ZHX3: variants seen among roughly 807,000 people sequenced by gnomAD.
ZHX3 encodes the protein zinc fingers and homeoboxes protein 3.
A neutral mutation model predicts 64.5 loss-of-function variants in ZHX3; 20 were observed. That is an observed-to-expected ratio of 0.31 (90% confidence interval 0.22 to 0.45). The LOEUF (loss-of-function observed/expected upper bound fraction) is 0.45, where lower values mean the gene tolerates loss of function less well. ZHX3 is among the 20% of genes least tolerant of loss of function. ZHX3 has a pLI of 1.00. For synonymous variants in ZHX3, 423 were observed against 461.6 expected, an observed-to-expected ratio of 0.92 and a Z score of 1.07; for missense variants, 1,041 against 1,195.8, an observed-to-expected ratio of 0.87 and a Z score of 1.91.
At chr20:41,223,115 T>A (rs1345232851) in intron 2 of ZHX3, among the ~76,000 whole-genome samples, 1 of 152,202 alleles carries the variant, frequency 6.6e-6, no homozygotes, top group East Asian at 1.9e-4. Flanking sequence ...TTACTCTGAT[T>A]ATTTTTCTTT....
intron 3 of ZHX3, chr20:41,196,712 TC>T (rs1289980365): frequency 5.4e-6 from 1 of 185,870 alleles, no homozygotes; most frequent in Non-Finnish European, 1.1e-5. Context: ...CTCTTGACTC[TC>T]CTAAAGCTGA....
intron 1 of ZHX3, among the ~76,000 whole-genome samples, chr20:41,289,050 C>T (rs1427917410): frequency 5.3e-5 from 8 of 152,124 alleles, no homozygotes; most frequent in East Asian, 1.9e-4. Context: ...AATGCAGTGG[C>T]GCAATCATGG....
At chr20:41,250,884 C>T (rs564032974) in intron 2 of ZHX3, among the ~76,000 whole-genome samples, 77 of 152,238 alleles carry the variant, frequency 5.1e-4, no homozygotes, top group Non-Finnish European at 7.5e-4. Flanking sequence ...CACTGGCTCA[C>T]GCCTGTAATC....
chr20:41,258,829 C>A (rs766907744), intron 2 of ZHX3, among the ~76,000 whole-genome samples: 1 of 152,114 alleles, frequency 6.6e-6, no homozygotes, highest in Non-Finnish European at 1.5e-5. Context: ...GATGCAAATT[C>A]TTTCAAAGCT....
At chr20:41,191,413 C>T (rs958757233) in intron 3 of ZHX3, among the ~76,000 whole-genome samples, 3 of 152,002 alleles carry the variant, frequency 2.0e-5, no homozygotes, top group African/African-American at 7.3e-5. Flanking sequence ...CATTCATTTC[C>T]CAAATTGTTT....
chr20:41,233,417 T>C (rs1382284454), intron 2 of ZHX3, among the ~76,000 whole-genome samples: 1 of 152,226 alleles, frequency 6.6e-6, no homozygotes, highest in African/African-American at 2.4e-5. Flanking sequence ...AGACATTCAA[T>C]GAGCTCAAAA....
In ZHX3 at chr20:41,212,698, G is replaced by A. The variant is rs2039248320; in HGVS notation, c.-150-7632C>T. ...TGTAATCCCAGCTACTCAGGAGGCT[G>A]AGGCAGGAGAATTGCTTGAACCTGG... On this transcript the variant is annotated intron_variant, in intron 2 of 3. Coordinates refer to ENST00000683867, the MANE Select transcript of ZHX3 (RefSeq NM_001384317.1). This position sits in a 1 kb window ranked among gnomAD's most constrained non-coding sequence, Gnocchi z 4.3. Among the ~76,000 whole-genome samples, 2 of 151,948 alleles carry A rather than the reference G, an allele frequency of 1.3e-5. No individual in the cohort carries two copies. Among genetic ancestry groups the A allele is most frequent in the South Asian group, 4.2e-4 (2 of 4,818 alleles).
At chr20:41,272,928 G>A (rs190996253) in intron 1 of ZHX3, among the ~76,000 whole-genome samples, 8 of 152,166 alleles carry the variant, frequency 5.3e-5, no homozygotes, top group Admixed American at 2.6e-4. Flanking sequence ...AATTCTATAC[G>A]GAACTTTTTG....
At chr20:41,286,026 G>C (rs993997897) in intron 1 of ZHX3, among the ~76,000 whole-genome samples, 1 of 152,230 alleles carries the variant, frequency 6.6e-6, no homozygotes, top group Non-Finnish European at 1.5e-5. Flanking sequence ...AGTAGTCACT[G>C]TTGAGAATGC....
At chr20:41,279,608 G>A (rs1026691394) in intron 1 of ZHX3, among the ~76,000 whole-genome samples, 1 of 151,920 alleles carries the variant, frequency 6.6e-6, no homozygotes, top group South Asian at 2.1e-4. Context: ...CTCTTAAAAT[G>A]ACCAATATAA....
chr20:41,266,491 T>TCAGGTCAC (rs1424422951), intron 2 of ZHX3, among the ~76,000 whole-genome samples: 1 of 152,026 alleles, frequency 6.6e-6, no homozygotes, highest in Non-Finnish European at 1.5e-5. Context: ...TATTCTTCTT[T>TCAGGTCAC]CAGGTCACCT....
intron 1 of ZHX3, among the ~76,000 whole-genome samples, chr20:41,297,802 C>T (rs2044609572): frequency 6.6e-6 from 1 of 152,228 alleles, no homozygotes; most frequent in South Asian, 2.1e-4. Context: ...CCCATTTGGT[C>T]TGTGCTGTCC....
At chr20:41,210,895 A>G (rs1284290747) in intron 2 of ZHX3, among the ~76,000 whole-genome samples, 2 of 152,154 alleles carry the variant, frequency 1.3e-5, no homozygotes, top group African/African-American at 4.8e-5. Context: ...TTTTTAAAAG[A>G]AAGGAAAGAA....
chr20:41,274,156 T>C (rs2043277719), intron 1 of ZHX3, among the ~76,000 whole-genome samples: 1 of 152,218 alleles, frequency 6.6e-6, no homozygotes, highest in Admixed American at 6.5e-5. Context: ...AGGTAAATTA[T>C]GTAACGTCTG....
chr20:41,199,682 TAATCAGA>T (rs1432886303), intron 3 of ZHX3, among the ~76,000 whole-genome samples: 3 of 151,618 alleles, frequency 2.0e-5, no homozygotes, highest in Non-Finnish European at 4.4e-5. Context: ...TTAAATGCAG[TAATCAGA>T]AATCAAAAAA....
intron 1 of ZHX3, among the ~76,000 whole-genome samples, chr20:41,283,243 G>C (rs1423145533): frequency 6.6e-6 from 1 of 152,136 alleles, no homozygotes; most frequent in African/African-American, 2.4e-5. Flanking sequence ...CAGGGTGCAT[G>C]TGTGTGTGCA....
chr20:41,212,962 C>G lies in ZHX3; in HGVS notation c.-150-7896G>C, dbSNP rs942100336. Among the ~76,000 whole-genome samples, 1 of 152,094 alleles carries G rather than the reference C, an allele frequency of 6.6e-6. No individual in the cohort carries two copies. The highest frequency in any genetic ancestry group is 2.4e-5 in the African/African-American group (1 of 41,382). On this transcript the variant is annotated intron_variant, in intron 2 of 3. Coordinates refer to ENST00000683867, the MANE Select transcript of ZHX3 (RefSeq NM_001384317.1). The surrounding 1 kb of genome is among the most constrained non-coding windows in gnomAD (Gnocchi z 4.3). ...TAATGGCCAAAAGGTGGAAACAACC[C>G]AAACATCTATCAGCTGGTGAATGGG...
chr20:41,225,204 T>A (rs2040185062), intron 2 of ZHX3, among the ~76,000 whole-genome samples: 1 of 152,188 alleles, frequency 6.6e-6, no homozygotes, highest in African/African-American at 2.4e-5. Context: ...GAGCTATTAA[T>A]ACCTACCTCA....
chr20:41,191,464 C>CA (rs773475464), intron 3 of ZHX3, among the ~76,000 whole-genome samples: 36 of 152,282 alleles, frequency 2.4e-4, no homozygotes, highest in Middle Eastern at 3.4e-3. Context: ...AGCTTCCTTA[C>CA]ACTCAATAAT....
Sources: gnomAD v4.1 joint callset for allele counts (sites outside exome capture counted in the v4.1 genomes callset) on GRCh38, gnomAD v4.1.1 for gene constraint, Gnocchi (gnomAD v3.1) non-coding constraint, MANE v1.5 for transcripts, NCBI Gene and HGNC (gene_info 2026-07-23, HGNC 2026-07-21) for gene names.